Variants in MALRD1 observed in about 807,000 individuals in gnomAD.
MALRD1 encodes the protein MAM and LDL receptor class A domain containing 1, also known as MAM and LDL-receptor class A domain-containing protein 1.
In MALRD1, 247 loss-of-function variants were observed where a neutral mutation model predicts 242.1. That is an observed-to-expected ratio of 1.02 (90% CI 0.92 to 1.13). The LOEUF is 1.13. Among genes scored for constraint, MALRD1 ranks in the 50% most tolerant of loss-of-function variants. The pLI is 0.00. For synonymous variants in MALRD1, 995 were observed against 866.6 expected (o/e 1.15, Z -2.60); for missense variants, 2,989 against 2,533.1 (o/e 1.18, Z -3.86).
intron 26 of MALRD1, among the ~76,000 whole-genome samples, chr10:19,377,573 A>G (rs1219960357): frequency 6.6e-6 from 1 of 152,094 alleles, no homozygotes. Flanking sequence ...GTGAAGATTG[A>G]ATAAGATACA....
At chr10:19,067,105 C>T (rs1303515232) in intron 2 of MALRD1, among the ~76,000 whole-genome samples, 3 of 152,076 alleles carry the variant, frequency 2.0e-5, no homozygotes, top group African/African-American at 7.2e-5. Context: ...AATTGGGTTC[C>T]TTGGATTCCA....
At chr10:19,331,141 A>G (rs138354414) in intron 23 of MALRD1, among the ~76,000 whole-genome samples, 1 of 152,290 alleles carries the variant, frequency 6.6e-6, no homozygotes, top group African/African-American at 2.4e-5. Context: ...GACATAAGCC[A>G]GTGGTGTTGC....
intron 30 of MALRD1, among the ~76,000 whole-genome samples, chr10:19,493,729 C>A (rs982438027): frequency 1.3e-5 from 2 of 151,720 alleles, no homozygotes; most frequent in Non-Finnish European, 2.9e-5. Context: ...CAGAGAATTG[C>A]TTGAACCTGG....
chr10:19,335,347 G>T (rs1360341338), intron 24 of MALRD1, among the ~76,000 whole-genome samples: 4 of 151,916 alleles, frequency 2.6e-5, no homozygotes, highest in Admixed American at 6.6e-5. Context: ...TTTGGCGTTG[G>T]TTGCCATTAC....
chr10:19,122,902 T>G (rs915455370), intron 5 of MALRD1, among the ~76,000 whole-genome samples: 1 of 152,178 alleles, frequency 6.6e-6, no homozygotes, highest in Non-Finnish European at 1.5e-5. Flanking sequence ...ATTTTTGTAT[T>G]TTTAATAGAG....
chr10:19,090,049 T>C (rs1835827819), intron 4 of MALRD1, among the ~76,000 whole-genome samples: 1 of 75,592 alleles, frequency 1.3e-5, no homozygotes, highest in Non-Finnish European at 2.4e-5. Context: ...TCTTTTGGCT[T>C]AGGATTGACT....
At chr10:19,096,904 C>T (rs1836058427) in intron 4 of MALRD1, among the ~76,000 whole-genome samples, 1 of 152,208 alleles carries the variant, frequency 6.6e-6, no homozygotes. Context: ...GGGGCTTTAT[C>T]ACCTCCATCT....
At chr10:19,197,191 A>G (rs1442124748) in intron 14 of MALRD1, among the ~76,000 whole-genome samples, 6 of 152,046 alleles carry the variant, frequency 3.9e-5, no homozygotes, top group Non-Finnish European at 8.8e-5. Context: ...CATGGGGGAA[A>G]TCACCCCCAT....
intron 28 of MALRD1, among the ~76,000 whole-genome samples, chr10:19,420,598 A>G (rs1833686189): frequency 6.6e-6 from 1 of 152,044 alleles, no homozygotes; most frequent in South Asian, 2.1e-4. Context: ...AAGCCATTTA[A>G]TCAAGTTGCA....
intron 1 of MALRD1, chr10:19,052,201 G>A: frequency 3.1e-6 from 1 of 326,528 alleles, no homozygotes; most frequent in South Asian, 2.7e-5. Context: ...TAATCAAAAA[G>A]AAAAACCACA....
At chr10:19,177,177 G>C (rs77399203) in intron 14 of MALRD1, among the ~76,000 whole-genome samples, 16,615 of 151,610 alleles carry the variant, frequency 0.11, 962 homozygotes, top group East Asian at 0.18. Context: ...CTACTAGGGA[G>C]GCTGAGGCAG....
chr10:19,134,974 A>T (rs1398222228), intron 9 of MALRD1, among the ~76,000 whole-genome samples: 2 of 152,168 alleles, frequency 1.3e-5, no homozygotes, highest in Non-Finnish European at 2.9e-5. Flanking sequence ...ACAGCTATAC[A>T]TTAATAATTT....
In MALRD1 at chr10:19,280,071, C is replaced by T. The variant is rs554611192; in HGVS notation, c.3104C>T (p.Thr1035Ile). Reference sequence around the variant, plus strand: ...GGTAATTTGCCAGCAGACCTCCCAACTCCACCAGAAACGTCAGTTCCTGTA... The same window carrying T: ...GGTAATTTGCCAGCAGACCTCCCAATTCCACCAGAAACGTCAGTTCCTGTA... Reference protein sequence around the residue: ...YPGNLPADLPTPPETSVPVTL... With the variant: ...YPGNLPADLPIPPETSVPVTL... Residue 1035 changes from threonine (T) to isoleucine (I), a missense_variant, in exon 20 of 40, where the codon ACT (threonine) becomes ATT (isoleucine). By Grantham distance (89) the Thr-to-Ile change is moderately conservative. Transcript: ENST00000454679. 1.4e-4 allele frequency: 212 copies of T among 1,516,564 alleles called. 1 individual carries two copies. The South Asian group carries it at 2.5e-3, about 18-fold the overall frequency. 93.9% of individuals were successfully genotyped at this position (1,516,564 alleles called of 1,614,324 possible).
chr10:19,095,885 G>C (rs752301980), intron 4 of MALRD1, among the ~76,000 whole-genome samples: 3 of 152,168 alleles, frequency 2.0e-5, no homozygotes, highest in Non-Finnish European at 2.9e-5. Context: ...GAGTCACATT[G>C]AGTAGACGCT....
At chr10:19,390,958 C>G (rs970993648) in intron 28 of MALRD1, among the ~76,000 whole-genome samples, 2 of 152,140 alleles carry the variant, frequency 1.3e-5, no homozygotes, top group Non-Finnish European at 2.9e-5. Flanking sequence ...ACTTCACCAA[C>G]ACCCTTGAAA....
At chr10:19,275,593 C>T (rs867185187) in intron 19 of MALRD1, among the ~76,000 whole-genome samples, 2 of 152,052 alleles carry the variant, frequency 1.3e-5, no homozygotes, top group African/African-American at 2.4e-5. Context: ...GGTGTGAACC[C>T]GGGAGGCGGA....
At chr10:19,693,690 A>G (rs962578880) in intron 38 of MALRD1, among the ~76,000 whole-genome samples, 11 of 152,174 alleles carry the variant, frequency 7.2e-5, no homozygotes, top group Non-Finnish European at 1.5e-5. Context: ...CCATCAAGCA[A>G]CCAATGACTT....
At chr10:19,580,891 CT>C (rs1448308950) in intron 33 of MALRD1, among the ~76,000 whole-genome samples, 1 of 152,100 alleles carries the variant, frequency 6.6e-6, no homozygotes, top group Non-Finnish European at 1.5e-5. Context: ...ACTCTGTGTA[CT>C]TTCCCACGCA....
At position 19,549,272 on chromosome 10, in the gene MALRD1, T is replaced by C. The variant is rs368292915; in HGVS notation, c.5478+17921T>C. ...AGTGAAGCAGAAAGTGCTGACAGAG[T>C]GCTTGATAAAGCCGCAGCAGGTTGG... On this transcript the variant is annotated intron_variant, in intron 32 of 39. Transcript: ENST00000454679. Among the ~76,000 whole-genome samples the C allele has an allele frequency of 4.6e-5, 7 of 152,212 alleles. No homozygotes were observed. The East Asian group carries it at 1.2e-3, about 25-fold the overall frequency.
Sources: allele counts gnomAD v4.1 joint callset (sites outside exome capture counted in the v4.1 genomes callset), GRCh38; gene constraint gnomAD v4.1.1; transcripts MANE v1.5; gene names NCBI Gene and HGNC (gene_info 2026-07-23, HGNC 2026-07-21).